PDE7A: variants seen among roughly 807,000 people sequenced by gnomAD.
The protein encoded by PDE7A is phosphodiesterase 7A.
A neutral mutation model predicts 64.3 loss-of-function variants in PDE7A; 39 were observed. That is an observed-to-expected ratio of 0.61 (90% CI 0.47 to 0.79). PDE7A has a LOEUF of 0.79. Among genes scored for constraint, PDE7A ranks in the 30% least tolerant of loss-of-function variants. PDE7A has a pLI of 0.00. For missense variants in PDE7A, 470 were observed against 582.8 expected, an observed-to-expected ratio of 0.81 and a Z score of 1.99; for synonymous variants, 203 against 206.8, an observed-to-expected ratio of 0.98 and a Z score of 0.16.
chr8:65,818,017 G>A (rs1810455898), intron 1 of PDE7A, among the ~76,000 whole-genome samples: 1 of 152,142 alleles, frequency 6.6e-6, no homozygotes, highest in Non-Finnish European at 1.5e-5. Context: ...CTCCCAAGGT[G>A]CTAGGATTAC....
chr8:65,818,907 T>C (rs1379031601), intron 1 of PDE7A, among the ~76,000 whole-genome samples: 1 of 152,174 alleles, frequency 6.6e-6, no homozygotes, highest in East Asian at 1.9e-4. Context: ...CTGAGGTCCT[T>C]ATGTCCTGCT....
chr8:65,779,640 C>A, intron 3 of PDE7A, 80 bp downstream of exon 3: 1 of 732,986 alleles, frequency 1.4e-6, no homozygotes. Flanking sequence ...TTCTGGTATT[C>A]TTTTTCCCTT....
chr8:65,841,963 G>GGCCGCGGCC lies in PDE7A; in HGVS notation c.-456_-455insGGCCGCGGC, dbSNP rs1811105473. Reference sequence around the variant, plus strand: ...GGACTCAGGAGCAGCGACCAGCTCGGGCCGCCGCCGCCGCCGCCGCCGCCG... The same window carrying GGCCGCGGCC: ...GGACTCAGGAGCAGCGACCAGCTCGGGCCGCGGCCGCCGCCGCCGCCGCCGCCGCCGCCG... On this transcript the variant is annotated 5_prime_UTR_variant, in exon 1 of 13. Coordinates refer to ENST00000401827, the MANE Select transcript of PDE7A (RefSeq NM_001242318.3). 4.2e-6 allele frequency: 1 copy of GGCCGCGGCC among 238,498 alleles called. No individual in the cohort carries two copies. The highest frequency in any genetic ancestry group is 2.4e-5 in the African/African-American group (1 of 41,016). 14.8% of individuals were successfully genotyped at this position (238,498 alleles called of 1,614,324 possible).
At chr8:65,785,096 T>C (rs1585916347) in intron 1 of PDE7A, among the ~76,000 whole-genome samples, 1 of 152,174 alleles carries the variant, frequency 6.6e-6, no homozygotes, top group East Asian at 1.9e-4. Context: ...CCTTAATGCT[T>C]ATCTTTTAAG....
At chr8:65,734,643 C>A in intron 7 of PDE7A, 151 bp downstream of exon 7, 1 of 568,980 alleles carries the variant, frequency 1.8e-6, no homozygotes, top group Non-Finnish European at 3.2e-6. Context: ...GAAACACAGC[C>A]AGATTCAGAA....
chr8:65,830,469 T>C (rs1049031902), intron 1 of PDE7A, among the ~76,000 whole-genome samples: 2 of 152,038 alleles, frequency 1.3e-5, no homozygotes, highest in Non-Finnish European at 2.9e-5. Context: ...TAAGTGAGGT[T>C]TCTCAACACT....
At chr8:65,737,326 A>G (rs890785349) in intron 6 of PDE7A, among the ~76,000 whole-genome samples, 3 of 152,028 alleles carry the variant, frequency 2.0e-5, no homozygotes, top group African/African-American at 7.2e-5. Flanking sequence ...AAGTATTCAT[A>G]TGAACAATGT....
At chr8:65,825,663 C>A (rs1471372979) in intron 1 of PDE7A, among the ~76,000 whole-genome samples, 1 of 152,134 alleles carries the variant, frequency 6.6e-6, no homozygotes. Flanking sequence ...GGGAAGAATA[C>A]AATTTGGGAT....
intron 7 of PDE7A, chr8:65,728,729 T>C (rs1421748411): frequency 2.0e-5 from 3 of 152,174 alleles, no homozygotes; most frequent in Non-Finnish European, 2.9e-5. Context: ...TGTAATTTAT[T>C]AGGCAGTATG....
chr8:65,805,898 T>C (rs573409970), intron 1 of PDE7A, among the ~76,000 whole-genome samples: 1 of 152,322 alleles, frequency 6.6e-6, no homozygotes, highest in East Asian at 1.9e-4. Context: ...CTTTAAAACT[T>C]ATATGAGTCT....
Position 65,841,417 on chromosome 8 carries a change from GAGCTGA to G in PDE7A, c.86_91del (p.Phe29_Ser30del). 1 of 1,563,986 alleles carries G rather than the reference GAGCTGA, an allele frequency of 6.4e-7. No homozygotes were observed. The highest frequency in any genetic ancestry group is 8.6e-7 in the Non-Finnish European group (1 of 1,159,822). ...GGGGCAGCCGAAGAGAGCGGAGCTG[GAGCTGA>G]AGCTGATGGCTCCTCGGCGGCTGAG... On this transcript the variant is annotated inframe_deletion, in exon 1 of 13. Coordinates refer to ENST00000401827, the MANE Select transcript of PDE7A (RefSeq NM_001242318.3).
chr8:65,758,190 C>T (rs775913435), intron 3 of PDE7A, among the ~76,000 whole-genome samples: 3 of 152,292 alleles, frequency 2.0e-5, no homozygotes, highest in Middle Eastern at 3.4e-3. Flanking sequence ...ATTTTTACCA[C>T]TAGGCAATAA....
At chr8:65,829,368 T>C (rs1810757254) in intron 1 of PDE7A, among the ~76,000 whole-genome samples, 1 of 152,062 alleles carries the variant, frequency 6.6e-6, no homozygotes, top group Admixed American at 6.6e-5. Flanking sequence ...TCTGATTATA[T>C]GTTAATTAAA....
intron 3 of PDE7A, among the ~76,000 whole-genome samples, chr8:65,762,525 T>C (rs2128915137): frequency 6.6e-6 from 1 of 152,310 alleles, no homozygotes; most frequent in Middle Eastern, 3.4e-3. Context: ...TTCTGTGACA[T>C]TAAACAGGTT....
chr8:65,785,817 A>G (rs974405858), intron 1 of PDE7A, among the ~76,000 whole-genome samples: 5 of 141,144 alleles, frequency 3.5e-5, no homozygotes, highest in Non-Finnish European at 6.0e-5. Flanking sequence ...TTAGGAGGGG[A>G]GTTGACATTA....
chr8:65,815,875 G>A (rs1164266516), intron 1 of PDE7A, among the ~76,000 whole-genome samples: 2 of 152,052 alleles, frequency 1.3e-5, no homozygotes, highest in African/African-American at 2.4e-5. Context: ...ATATACCTCC[G>A]ACTACATCTT....
intron 12 of PDE7A, chr8:65,720,667 C>T (rs1445806370): frequency 3.3e-5 from 5 of 152,362 alleles, no homozygotes; most frequent in East Asian, 1.9e-4. Flanking sequence ...ACTATGTCCC[C>T]GGCACTATGC....
intron 1 of PDE7A, among the ~76,000 whole-genome samples, chr8:65,791,191 T>A (rs1372305695): frequency 6.6e-6 from 1 of 152,248 alleles, no homozygotes; most frequent in African/African-American, 2.4e-5. Context: ...GTTCTAAAAG[T>A]TGTCTCACTG....
At chr8:65,796,738 T>C (rs1350783184) in intron 1 of PDE7A, among the ~76,000 whole-genome samples, 1 of 152,152 alleles carries the variant, frequency 6.6e-6, no homozygotes. Flanking sequence ...TAGCCATCAT[T>C]GTACTTAACA....
Sources: allele counts gnomAD v4.1 joint callset (sites outside exome capture counted in the v4.1 genomes callset), GRCh38; gene constraint gnomAD v4.1.1; transcripts MANE v1.5; gene names NCBI Gene and HGNC (gene_info 2026-07-23, HGNC 2026-07-21).